Variants in MYBPC1 observed in about 807,000 individuals in gnomAD.
MYBPC1 encodes myosin-binding protein C, slow-type.
In MYBPC1, 52 loss-of-function variants were observed where a neutral mutation model predicts 147.1. The observed-to-expected ratio is 0.35, with a 90% CI of 0.28 to 0.45. MYBPC1 has a LOEUF of 0.45. Ranked by LOEUF, MYBPC1 falls within the 20% of genes least tolerant of loss-of-function variation. The pLI is 1.00. For missense variants in MYBPC1, 1,228 were observed against 1,440.3 expected (o/e 0.85, Z 2.39); for synonymous variants, 477 against 475.9 (o/e 1.00, Z -0.03).
intron 3 of MYBPC1, among the ~76,000 whole-genome samples, chr12:101,625,198 AT>A (rs768224653): frequency 0.16 from 22,378 of 144,344 alleles, 1,917 homozygotes; most frequent in East Asian, 0.32. Flanking sequence ...AAAAAAATAA[AT>A]AAATAAACCT....
chr12:101,654,802 T>C (rs8181724), intron 18 of MYBPC1, among the ~76,000 whole-genome samples: 4,029 of 152,250 alleles, frequency 0.026, 261 homozygotes, highest in East Asian at 0.25. Flanking sequence ...CACAGTGCAT[T>C]GAGTAGAGTA....
At chr12:101,603,198 G>T (rs148364247) in intron 1 of MYBPC1, among the ~76,000 whole-genome samples, 2,801 of 152,094 alleles carry the variant, frequency 0.018, 83 homozygotes, top group African/African-American at 0.064. Flanking sequence ...TACAAAATTA[G>T]CAGGGCATGG....
chr12:101,650,909 T>C (rs1894306412), intron 15 of MYBPC1: 1 of 374,104 alleles, frequency 2.7e-6, no homozygotes, highest in Non-Finnish European at 5.1e-6. Context: ...TGACCTCAGA[T>C]GTAAATGGGT....
intron 18 of MYBPC1, among the ~76,000 whole-genome samples, chr12:101,658,686 AAAT>A (rs2136397219): frequency 6.6e-6 from 1 of 152,338 alleles, no homozygotes; most frequent in East Asian, 1.9e-4. Flanking sequence ...GAAAAATAAA[AAAT>A]AAATAAAAAC....
intron 10 of MYBPC1, among the ~76,000 whole-genome samples, chr12:101,638,154 G>A (rs116463043): frequency 1.3e-3 from 203 of 152,284 alleles, no homozygotes; most frequent in African/African-American, 4.7e-3. Context: ...TTGGAAGCTG[G>A]CGCTTCAGTT....
downstream of MYBPC1, among the ~76,000 whole-genome samples, chr12:101,687,045 T>G (rs1951358183): frequency 6.6e-6 from 1 of 152,092 alleles, no homozygotes; most frequent in Non-Finnish European, 1.5e-5. Context: ...TATTTTATTT[T>G]TATTGCTATA....
At position 101,626,793 on chromosome 12, in the gene MYBPC1, T is replaced by C. The variant is rs577450277; in HGVS notation, c.104-79T>C. On this transcript the variant is annotated intron_variant, in intron 3 of 31. Coordinates refer to ENST00000361466, the MANE Select transcript of MYBPC1 (RefSeq NM_002465.4). ...TGTATTGTGTGGTTTCTCATCTTCT[T>C]TTTCAGATTTCTCTTTTCTCAGGTT... 5.6e-6 allele frequency: 7 copies of C among 1,245,794 alleles called. No homozygotes were observed. In the South Asian group the frequency reaches 8.4e-5, roughly 15 times the overall value. 77.2% of individuals were successfully genotyped at this position (1,245,794 alleles called of 1,614,324 possible).
At chr12:101,675,958 G>T (rs79379083) in intron 26 of MYBPC1, among the ~76,000 whole-genome samples, 26 of 152,364 alleles carry the variant, frequency 1.7e-4, no homozygotes, top group Middle Eastern at 3.4e-3. Flanking sequence ...ATGCGGAAAG[G>T]TCTGGAGAAA....
At chr12:101,597,698 G>A (rs1877894616) in intron 1 of MYBPC1, among the ~76,000 whole-genome samples, 1 of 152,126 alleles carries the variant, frequency 6.6e-6, no homozygotes, top group South Asian at 2.1e-4. Flanking sequence ...TATTCTTAAG[G>A]AGTAACCACT....
downstream of MYBPC1, among the ~76,000 whole-genome samples, chr12:101,686,749 T>G (rs1951353571): frequency 6.6e-6 from 1 of 152,222 alleles, no homozygotes; most frequent in South Asian, 2.1e-4. Context: ...TGCTCTTTTT[T>G]CTTTCCAGAT....
intron 1 of MYBPC1, among the ~76,000 whole-genome samples, chr12:101,603,666 G>C (rs1881028520): frequency 6.6e-6 from 1 of 152,224 alleles, no homozygotes; most frequent in African/African-American, 2.4e-5. Context: ...ACAAGATCAG[G>C]TACAATGGCT....
At position 101,614,803 on chromosome 12, in the gene MYBPC1, T is replaced by A. The variant is rs1233560478; in HGVS notation, c.61+272T>A. 3 of 512,898 alleles carry A rather than the reference T, an allele frequency of 5.8e-6. No individual in the cohort carries two copies. The East Asian group carries it at 1.1e-4, about 18-fold the overall frequency. 31.8% of individuals were successfully genotyped at this position (512,898 alleles called of 1,614,324 possible). ...CTTTCAAATTATGTAAAAGTTATTATGTCCGCATTTTACAGTGTGGAGGCT... is the reference window on the plus strand; with the variant it reads ...CTTTCAAATTATGTAAAAGTTATTAAGTCCGCATTTTACAGTGTGGAGGCT... On this transcript the variant is annotated intron_variant, in intron 2 of 31. Coordinates refer to ENST00000361466, the MANE Select transcript of MYBPC1 (RefSeq NM_002465.4).
intron 27 of MYBPC1, 121 bp downstream of exon 27, chr12:101,677,515 T>C: frequency 8.5e-7 from 1 of 1,174,722 alleles, no homozygotes; most frequent in South Asian, 1.4e-5. Flanking sequence ...TGTAAAATTA[T>C]GATAATGGTG....
At chr12:101,649,552 C>A in intron 15 of MYBPC1, 126 bp downstream of exon 15, 1 of 1,142,420 alleles carries the variant, frequency 8.8e-7, no homozygotes, top group Non-Finnish European at 1.3e-6. Flanking sequence ...AAATGGATTT[C>A]ATTCCAGCTA....
At chr12:101,666,744 G>A (rs1213730556) in intron 22 of MYBPC1, 1 of 1,613,204 alleles carries the variant, frequency 6.2e-7, no homozygotes, top group East Asian at 2.2e-5. Context: ...ATTCTCAAAG[G>A]TACATCAGCA....
chr12:101,673,711 T>A, intron 25 of MYBPC1, 89 bp downstream of exon 25: 1 of 1,394,268 alleles, frequency 7.2e-7, no homozygotes, highest in South Asian at 1.2e-5. Context: ...AGGAGTTTTG[T>A]TAGGCTGGCT....
chr12:101,636,086 C>T (rs1238318054), intron 9 of MYBPC1, among the ~76,000 whole-genome samples: 1 of 152,076 alleles, frequency 6.6e-6, no homozygotes, highest in Non-Finnish European at 1.5e-5. Flanking sequence ...ATAATTATCA[C>T]CCTTTAAGAC....
At chr12:101,616,911 A>C (rs1246408933) in intron 2 of MYBPC1, among the ~76,000 whole-genome samples, 3 of 152,330 alleles carry the variant, frequency 2.0e-5, no homozygotes, top group East Asian at 3.9e-4. Context: ...CCAGCATGTT[A>C]TATAACATGA....
chr12:101,685,664 C>T lies in MYBPC1; in HGVS notation c.*102C>T, dbSNP rs571090620. The T allele has an allele frequency of 2.2e-4, 330 of 1,527,398 alleles. No individual in the cohort carries two copies. The highest frequency in any genetic ancestry group is 2.6e-4 in the Non-Finnish European group (301 of 1,139,378). 94.6% of individuals were successfully genotyped at this position (1,527,398 alleles called of 1,614,324 possible). ...CGTATCTGCGAGACTTACACTCAAG[C>T]AATCCTGAGGAATACTGAGGGAGGG... On this transcript the variant is annotated 3_prime_UTR_variant, in exon 32 of 32. Transcript: ENST00000361466.
Sources: allele counts gnomAD v4.1 joint callset (sites outside exome capture counted in the v4.1 genomes callset), GRCh38; gene constraint gnomAD v4.1.1; transcripts MANE v1.5; gene names NCBI Gene and HGNC (gene_info 2026-07-23, HGNC 2026-07-21).